Variants in C14orf39 observed in about 807,000 individuals in gnomAD.
C14orf39 encodes the protein chromosome 14 open reading frame 39.
In C14orf39, 66 loss-of-function variants were observed where a neutral mutation model predicts 85.6. The observed-to-expected ratio is 0.77, with a 90% confidence interval of 0.63 to 0.95. C14orf39 has a LOEUF of 0.95. C14orf39 is among the 40% of genes least tolerant of loss of function. The pLI is 0.00. For synonymous variants in C14orf39, 242 were observed against 214.0 expected, an observed-to-expected ratio of 1.13 and a Z score of -1.14; for missense variants, 735 against 663.9, an observed-to-expected ratio of 1.11 and a Z score of -1.18.
intron 1 of C14orf39, among the ~76,000 whole-genome samples, chr14:60,505,536 G>T (rs1412679420): frequency 6.6e-6 from 1 of 152,122 alleles, no homozygotes; most frequent in Admixed American, 6.5e-5. Flanking sequence ...ACTCGGCTTT[G>T]AGACACAGGA....
In C14orf39 at chr14:60,483,713, C is replaced by T. The variant is rs370222485; in HGVS notation, c.211G>A (p.Glu71Lys). The change falls in exon 4 of 18, where the codon GAG becomes AAG. Residue 71 changes from glutamate to lysine, a missense_variant. Transcript: ENST00000321731. ...EIDHYCKHSE[E>K]IKDNCRNWKP... ...CACTTTCTACAGTTGTCTTTAATCT[C>T]CTCACTATGTTTACAGTAATGATCA... 7 of 1,596,626 alleles carry T rather than the reference C, an allele frequency of 4.4e-6. No individual in the cohort carries two copies. In the African/African-American group the frequency reaches 9.4e-5, roughly 21 times the overall value.
intron 14 of C14orf39, 127 bp downstream of exon 14, chr14:60,458,551 T>G: frequency 1.6e-6 from 1 of 612,956 alleles, no homozygotes. Context: ...TGTAACTCTC[T>G]AGAAACCTGA....
intron 16 of C14orf39, among the ~76,000 whole-genome samples, chr14:60,442,636 T>A (rs1396451305): frequency 6.6e-6 from 1 of 152,222 alleles, no homozygotes; most frequent in Non-Finnish European, 1.5e-5. Context: ...TCTTCTAAAA[T>A]CTGACTCTTT....
At chr14:60,478,549 C>T (rs1282927576) in intron 4 of C14orf39, among the ~76,000 whole-genome samples, 160 bp from the exon 5 acceptor site, 1 of 152,120 alleles carries the variant, frequency 6.6e-6, no homozygotes, top group African/African-American at 2.4e-5. Context: ...TCATATCACT[C>T]CCACTACCTC....
At chr14:60,474,264 T>C (rs1021191441) in intron 5 of C14orf39, among the ~76,000 whole-genome samples, 2 of 152,202 alleles carry the variant, frequency 1.3e-5, no homozygotes, top group Admixed American at 6.5e-5. Context: ...TCCTGAGACT[T>C]TGCTGAAGTT....
chr14:60,483,885 A>T, intron 3 of C14orf39, 68 bp from the exon 4 acceptor site: 2 of 1,111,962 alleles, frequency 1.8e-6, no homozygotes, highest in Non-Finnish European at 2.5e-6. Flanking sequence ...AATAGAGAAA[A>T]AAAATGGGTA....
At chr14:60,463,247 T>A (rs1176464119) in intron 11 of C14orf39, among the ~76,000 whole-genome samples, 1 of 152,146 alleles carries the variant, frequency 6.6e-6, no homozygotes, top group Non-Finnish European at 1.5e-5. Context: ...TTCTATAAAC[T>A]GCCTTCTTAT....
At chr14:60,476,635 T>C (rs1365136140) in intron 5 of C14orf39, among the ~76,000 whole-genome samples, 1 of 152,206 alleles carries the variant, frequency 6.6e-6, no homozygotes, top group African/African-American at 2.4e-5. Context: ...GTTAGAGAAG[T>C]ACATATTTTA....
intron 17 of C14orf39, among the ~76,000 whole-genome samples, chr14:60,440,233 A>T (rs1890445798): frequency 6.6e-6 from 1 of 152,214 alleles, no homozygotes; most frequent in African/African-American, 2.4e-5. Context: ...TCATATGTAC[A>T]ATTTCCTACT....
upstream of C14orf39, among the ~76,000 whole-genome samples, chr14:60,488,775 T>C (rs1046700601): frequency 1.3e-5 from 2 of 152,170 alleles, no homozygotes; most frequent in Admixed American, 6.5e-5. Flanking sequence ...TCTCAGGTAA[T>C]CAAGACAACA....
chr14:60,501,146 A>G (rs925406916), intron 1 of C14orf39, among the ~76,000 whole-genome samples: 8 of 152,008 alleles, frequency 5.3e-5, no homozygotes, highest in African/African-American at 1.9e-4. Context: ...TACACACACA[A>G]AAAATTATTA....
chr14:60,483,732 A>G lies in C14orf39; in HGVS notation c.192T>C (p.His64=), dbSNP rs755888520. 5.8e-5 allele frequency: 93 copies of G among 1,599,314 alleles called. No individual in the cohort carries two copies. Among genetic ancestry groups the G allele is most frequent in the Non-Finnish European group, 3.3e-5 (38 of 1,168,966 alleles). The change falls in exon 4 of 18, where the codon CAT becomes CAC. Residue 64 remains histidine, a synonymous_variant. Transcript: ENST00000321731. ...TAATCTCCTCACTATGTTTACAGTA[A>G]TGATCAATTTCCTCATCTGTTGCAT... is the stretch of plus-strand genomic sequence containing the variant. The part of the protein sequence containing the change: ...TINATDEEID[H]YCKHSEEIKD...
At position 60,471,419 on chromosome 14, in the gene C14orf39, G is replaced by A; in HGVS notation, c.552C>T (p.Asn184=). ...PFPSLTKWTL[N]IVNLRCETQD... ...AGTACAAATACTATTGTGGATACAT[G>A]TTTAAAGTCCATTTAGTAAGTGATG... Residue 184 remains asparagine, a splice_region_variant and synonymous_variant, in exon 7 of 18, where the codon AAC becomes AAT. Transcript: ENST00000321731. 2 of 1,590,960 alleles carry A rather than the reference G, an allele frequency of 1.3e-6. No individual in the cohort carries two copies. The highest frequency in any genetic ancestry group is 1.4e-5 in the African/African-American group (1 of 73,808).
At chr14:60,461,456 T>C in intron 12 of C14orf39, 44 bp from the exon 13 acceptor site, 2 of 1,572,378 alleles carry the variant, frequency 1.3e-6, no homozygotes, top group Non-Finnish European at 1.7e-6. Context: ...TCTGAGTTGA[T>C]ATCTATAAAT....
chr14:60,508,597 T>A (rs1464201737), intron 1 of C14orf39, among the ~76,000 whole-genome samples: 1 of 152,118 alleles, frequency 6.6e-6, no homozygotes, highest in Admixed American at 6.5e-5. Flanking sequence ...CTGCTCCAGA[T>A]TTGCTTCCCA....
chr14:60,449,183 A>T (rs1890922832), intron 16 of C14orf39, among the ~76,000 whole-genome samples: 1 of 152,172 alleles, frequency 6.6e-6, no homozygotes, highest in African/African-American at 2.4e-5. Flanking sequence ...TTAAAGCATA[A>T]TTTAAAAAAA....
intron 1 of C14orf39, among the ~76,000 whole-genome samples, chr14:60,514,953 C>T (rs1292689613): frequency 6.6e-6 from 1 of 152,058 alleles, no homozygotes; most frequent in African/African-American, 2.4e-5. Context: ...TGACGGCGGC[C>T]GGGCGCTCGG....
At chr14:60,437,252 C>T (rs186794342) in intron 17 of C14orf39, among the ~76,000 whole-genome samples, 13 of 151,882 alleles carry the variant, frequency 8.6e-5, no homozygotes, top group Non-Finnish European at 1.8e-4. Flanking sequence ...AAACTTAAAC[C>T]CTGTTTTCAA....
intron 1 of C14orf39, chr14:60,509,593 C>T: frequency 6.2e-7 from 1 of 1,613,298 alleles, no homozygotes. Flanking sequence ...TTCACGGTGG[C>T]AACTACCGCG....
Sources: gnomAD v4.1 joint callset for allele counts (sites outside exome capture counted in the v4.1 genomes callset) on GRCh38, gnomAD v4.1.1 for gene constraint, MANE v1.5 for transcripts, NCBI Gene and HGNC (gene_info 2026-07-23, HGNC 2026-07-21) for gene names.